Variants in ANK3 observed in about 807,000 individuals in gnomAD.
ANK3 encodes the protein ankyrin 3, also known as ankyrin-3.
ANK3 carries 57 observed loss-of-function variants against 370.9 expected under a neutral mutation model. The ratio of observed to expected loss-of-function variants is 0.15; its 90% confidence interval spans 0.12 to 0.19. ANK3 has a LOEUF of 0.19. Ranked by LOEUF, ANK3 falls within the 10% of genes least tolerant of loss-of-function variation. The pLI is 1.00. For missense variants in ANK3, 4,439 were observed against 5,302.1 expected, an observed-to-expected ratio of 0.84 and a Z score of 5.06; for synonymous variants, 1,929 against 1,946.3, an observed-to-expected ratio of 0.99 and a Z score of 0.23.
intron 2 of ANK3, among the ~76,000 whole-genome samples, chr10:60,575,971 T>A (rs1567159284): frequency 6.6e-6 from 1 of 152,066 alleles, no homozygotes; most frequent in African/African-American, 2.4e-5. Context: ...TGTAAAAGAG[T>A]AATTTGATTG....
At chr10:60,161,068 G>A (rs972575312) in intron 23 of ANK3, among the ~76,000 whole-genome samples, 1 of 152,038 alleles carries the variant, frequency 6.6e-6, no homozygotes, top group Non-Finnish European at 1.5e-5. Context: ...AGAAATAAAG[G>A]ACATCCAAAT....
At chr10:60,191,792 C>T (rs1026502931) in intron 16 of ANK3, among the ~76,000 whole-genome samples, 3 of 152,172 alleles carry the variant, frequency 2.0e-5, no homozygotes, top group Non-Finnish European at 2.9e-5. Flanking sequence ...TACTTGCACT[C>T]GTATGTTCAT....
intron 42 of ANK3, chr10:60,051,491 C>T (rs557446203): frequency 8.1e-6 from 8 of 985,442 alleles, no homozygotes; most frequent in South Asian, 9.4e-5. Flanking sequence ...AATCAAACGC[C>T]GGCGAATAAC....
chr10:60,278,814 A>G lies in ANK3; in HGVS notation c.374T>C (p.Val125Ala). Residue 125 changes from valine (V) to alanine (A), a missense_variant, in exon 4 of 44, where the codon GTC becomes GCC. By Grantham distance (64) the Val-to-Ala change is moderately conservative. Around this residue, in one of 13 missense-constraint regions of ANK3, gnomAD observed 136 missense variants for 230.5 expected, o/e 0.59. Coordinates refer to ENST00000280772, the MANE Select transcript of ANK3 (RefSeq NM_020987.5). Reference sequence around the variant, plus strand: ...GACATTGGCTCCATTTGTAACCAAGACTTTTACCACCTCTGCTTGCCCAGC... The same window carrying G: ...GACATTGGCTCCATTTGTAACCAAGGCTTTTACCACCTCTGCTTGCCCAGC... ...SLAGQAEVVK[V>A]LVTNGANVNA... is the part of the protein sequence containing the mutation. 6.2e-7 allele frequency: 1 copy of G among 1,614,032 alleles called. No individual in the cohort carries two copies. The highest frequency in any genetic ancestry group is 8.5e-7 in the Non-Finnish European group (1 of 1,179,942).
At chr10:60,321,625 C>T (rs536626800) in intron 1 of ANK3, among the ~76,000 whole-genome samples, 1 of 152,196 alleles carries the variant, frequency 6.6e-6, no homozygotes. Flanking sequence ...TAGATAGACA[C>T]CACTATCAGT....
At chr10:60,176,369 A>C (rs1335484841) in intron 18 of ANK3, among the ~76,000 whole-genome samples, 23 of 19,234 alleles carry the variant, frequency 1.2e-3, no homozygotes, top group Non-Finnish European at 1.9e-3. Context: ...TCTGTCTCCC[A>C]AAAAAAAAAA....
chr10:60,276,047 C>T (rs1043896695), intron 4 of ANK3, among the ~76,000 whole-genome samples: 8 of 151,962 alleles, frequency 5.3e-5, no homozygotes, highest in Non-Finnish European at 1.0e-4. Flanking sequence ...ATGTTAAGTA[C>T]TAAAAGAAAG....
chr10:60,281,559 C>G lies in ANK3; in HGVS notation c.115-1920G>C, dbSNP rs377516034. Among the ~76,000 whole-genome samples the G allele has an allele frequency of 1.8e-4, 27 of 152,300 alleles. 1 individual carries two copies. Among genetic ancestry groups the G allele is most frequent in the African/African-American group, 6.5e-4 (27 of 41,576 alleles). Reference sequence around the variant, plus strand: ...CTTGTCTCAGCACAAGGCAATGTGACTCCATGTAATATTCATCTTACTGTT... The same window carrying G: ...CTTGTCTCAGCACAAGGCAATGTGAGTCCATGTAATATTCATCTTACTGTT... On this transcript the variant is annotated intron_variant, in intron 1 of 43. Coordinates refer to ENST00000280772, the MANE Select transcript of ANK3 (RefSeq NM_020987.5).
rs1480186239 is a variant in ANK3, at chr10:60,423,022, GCTGTTACTACCC to G, written c.97-143395_97-143384del. Among the ~76,000 whole-genome samples, 16 of 152,122 alleles carry G rather than the reference GCTGTTACTACCC, an allele frequency of 1.1e-4. No homozygotes were observed. The East Asian group carries it at 3.1e-3, about 29-fold the overall frequency. The stretch of plus-strand genomic sequence containing the variant: ...AGTTCTGTGTACTGAAGGGCAAAGT[GCTGTTACTACCC>G]CTGACCTCCACCCACTGATCCCAGT... On this transcript the variant is annotated intron_variant, in intron 2 of 43. Coordinates refer to the ANK3 transcript ENST00000373827.
chr10:60,723,419 T>C (rs2079893229), intron 1 of ANK3, among the ~76,000 whole-genome samples: 2 of 152,244 alleles, frequency 1.3e-5, no homozygotes, highest in South Asian at 4.1e-4. Context: ...AGTGTTAGTG[T>C]AGATGAGACT....
chr10:60,117,427 CA>C (rs2093171906), intron 25 of ANK3, among the ~76,000 whole-genome samples: 1 of 152,160 alleles, frequency 6.6e-6, no homozygotes, highest in Non-Finnish European at 1.5e-5. Context: ...GAGATTTGTA[CA>C]ACTGGGGGAG....
At chr10:60,202,195 C>T (rs2096690207) in intron 12 of ANK3, among the ~76,000 whole-genome samples, 1 of 152,086 alleles carries the variant, frequency 6.6e-6, no homozygotes, top group Non-Finnish European at 1.5e-5. Flanking sequence ...AATCTCAGCT[C>T]ACCGCAACCT....
chr10:60,053,649 A>G (rs776634642), intron 42 of ANK3: 6 of 1,299,130 alleles, frequency 4.6e-6, no homozygotes, highest in East Asian at 5.6e-5. Context: ...TGCTGCATGG[A>G]AACAGGTGGA....
intron 1 of ANK3, among the ~76,000 whole-genome samples, chr10:60,323,571 A>C (rs1052609608): frequency 1.3e-5 from 2 of 152,122 alleles, no homozygotes; most frequent in African/African-American, 4.8e-5. Context: ...GGTTTAGGGG[A>C]GATGTCTCCA....
chr10:60,171,292 A>C (rs1052835425), intron 21 of ANK3, among the ~76,000 whole-genome samples: 21 of 152,232 alleles, frequency 1.4e-4, no homozygotes, highest in Non-Finnish European at 2.9e-4. Context: ...TTTCTCCCGT[A>C]ATCAGCAGGC....
chr10:60,225,264 C>G lies in ANK3; in HGVS notation c.897+9424G>C, dbSNP rs574081838. 9.9e-5 allele frequency among the ~76,000 whole-genome samples: 15 copies of G among 152,160 alleles called. 1 individual carries two copies. In the East Asian group the frequency reaches 2.3e-3, roughly 23 times the overall value. The stretch of plus-strand genomic sequence containing the variant: ...TCACCAAAAATTTGGACTGTGTCCT[C>G]ATTTTTTTTGTGTTAGGCAGTTATC... On this transcript the variant is annotated intron_variant, in intron 8 of 43. Transcript: ENST00000280772.
chr10:60,306,652 T>C (rs182056336), intron 1 of ANK3, among the ~76,000 whole-genome samples: 5 of 152,294 alleles, frequency 3.3e-5, no homozygotes, highest in Non-Finnish European at 5.9e-5. Context: ...ATCTCCATAC[T>C]GTTTTCCATA....
At chr10:60,509,705 A>G (rs996110635) in intron 2 of ANK3, among the ~76,000 whole-genome samples, 3 of 152,188 alleles carry the variant, frequency 2.0e-5, no homozygotes, top group African/African-American at 7.2e-5. Context: ...AAGATAGTGA[A>G]TATTATTCCC....
intron 26 of ANK3, among the ~76,000 whole-genome samples, chr10:60,109,816 C>G (rs1490433981): frequency 6.6e-6 from 1 of 152,108 alleles, no homozygotes; most frequent in Non-Finnish European, 1.5e-5. Context: ...AGGTATAGAA[C>G]TATAAAGAAA....
Sources: allele counts gnomAD v4.1 joint callset (sites outside exome capture counted in the v4.1 genomes callset), GRCh38; gene constraint gnomAD v4.1.1; regional missense constraint gnomAD v4.1.1; transcripts MANE v1.5; gene names NCBI Gene and HGNC (gene_info 2026-07-23, HGNC 2026-07-21).